The following HAAO variants were observed in gnomAD, a reference collection of about 807,000 sequenced individuals.
HAAO encodes the protein 3-hydroxyanthranilate 3,4-dioxygenase, also known as 3-hydroxyanthranilate oxygenase.
HAAO carries 49 observed loss-of-function variants against 46.2 expected under a neutral mutation model. The observed-to-expected ratio is 1.06, with a 90% confidence interval of 0.84 to 1.34. The LOEUF (loss-of-function observed/expected upper bound fraction) is 1.34. Among genes scored for constraint, HAAO ranks in the 40% most tolerant of loss-of-function variants. The probability of loss-of-function intolerance (pLI) is 0.00; values close to 1 mark genes in which losing one functional copy is unlikely to be tolerated. For synonymous variants in HAAO, 157 were observed against 145.2 expected (o/e 1.08, Z -0.58); for missense variants, 408 against 364.5 (o/e 1.12, Z -0.97).
At chr2:42,779,805 G>A (rs899822963) in intron 4 of HAAO, among the ~76,000 whole-genome samples, 1 of 152,134 alleles carries the variant, frequency 6.6e-6, no homozygotes, top group African/African-American at 2.4e-5. Flanking sequence ...GATAAATTAT[G>A]TCTTTTTCTG....
At position 42,783,311 on chromosome 2, in the gene HAAO, T is replaced by A; in HGVS notation, c.350+3A>T. 1.3e-6 allele frequency: 2 copies of A among 1,586,996 alleles called. No homozygotes were observed. Among genetic ancestry groups the A allele is most frequent in the Non-Finnish European group, 1.7e-6 (2 of 1,157,294 alleles). On this transcript the variant is annotated splice_donor_region_variant and intron_variant, in intron 4 of 9. Coordinates refer to ENST00000294973, the MANE Select transcript of HAAO (RefSeq NM_012205.3). The stretch of plus-strand genomic sequence containing the variant: ...CTGCCCCAGCCCTCCAGACAGAATT[T>A]ACCTGAGCCCATCTAGCTCGGTCTC...
chr2:42,776,261 CAG>C (rs1337749012), intron 4 of HAAO, among the ~76,000 whole-genome samples: 1 of 99,096 alleles, frequency 1.0e-5, no homozygotes, highest in Non-Finnish European at 1.8e-5. Flanking sequence ...TTTTTTGAGA[CAG>C]AGTTTCACTC....
At chr2:42,776,094 C>T (rs1046144458) in intron 4 of HAAO, among the ~76,000 whole-genome samples, 4 of 151,788 alleles carry the variant, frequency 2.6e-5, no homozygotes, top group African/African-American at 7.3e-5. Context: ...TTTTTGGAGA[C>T]CCAGGATTCG....
intron 4 of HAAO, among the ~76,000 whole-genome samples, chr2:42,774,417 C>T (rs1454387919): frequency 6.6e-6 from 1 of 152,150 alleles, no homozygotes; most frequent in Non-Finnish European, 1.5e-5. Flanking sequence ...TGGGAGCACC[C>T]CCTCTAGAGA....
intron 4 of HAAO, among the ~76,000 whole-genome samples, chr2:42,776,794 G>A (rs1249284262): frequency 6.6e-6 from 1 of 151,340 alleles, no homozygotes; most frequent in African/African-American, 2.4e-5. Context: ...ACCACGCCCA[G>A]CTAATTTTTT....
intron 1 of HAAO, 32 bp downstream of exon 1, chr2:42,792,425 G>T: frequency 1.5e-6 from 2 of 1,328,524 alleles, no homozygotes. Flanking sequence ...GGAGGCGAGG[G>T]CAGGGGGCGG....
intron 4 of HAAO, among the ~76,000 whole-genome samples, chr2:42,772,480 C>CA (rs765907105): frequency 0.041 from 4,862 of 119,310 alleles, 203 homozygotes; most frequent in African/African-American, 0.12. Flanking sequence ...GACTCCATCT[C>CA]AAAAAAAAAA....
At chr2:42,786,009 CTGTGTGTGTGTGTGTGTGTGTGTGTGTG>C (rs10606385) in intron 2 of HAAO, among the ~76,000 whole-genome samples, 14 of 106,154 alleles carry the variant, frequency 1.3e-4, no homozygotes, top group East Asian at 5.8e-4. Context: ...GAGGAAGCCT[CTGTGTGTGTGTGTGTGTGTGTGTGTGTG>C]TGTGTGTGTG....
At chr2:42,774,973 G>A (rs906031454) in intron 4 of HAAO, among the ~76,000 whole-genome samples, 3 of 152,144 alleles carry the variant, frequency 2.0e-5, no homozygotes, top group Non-Finnish European at 2.9e-5. Flanking sequence ...AAAGGGCCGG[G>A]CACAGTGGCT....
intron 4 of HAAO, 118 bp from the exon 5 acceptor site, chr2:42,770,700 CCT>C (rs1234727306): frequency 3.2e-5 from 20 of 615,514 alleles, no homozygotes; most frequent in Non-Finnish European, 4.0e-5. Flanking sequence ...TCTGCTCACC[CCT>C]GTTACACACC....
intron 4 of HAAO, among the ~76,000 whole-genome samples, chr2:42,772,954 A>AAC (rs1491056859): frequency 6.9e-6 from 1 of 143,982 alleles, no homozygotes; most frequent in Admixed American, 7.0e-5. Context: ...AAAAAAAAAA[A>AAC]CCCAACCAAA....
At chr2:42,791,969 G>C (rs1672839939) in intron 1 of HAAO, among the ~76,000 whole-genome samples, 1 of 151,866 alleles carries the variant, frequency 6.6e-6, no homozygotes, top group South Asian at 2.1e-4. Flanking sequence ...GAGGGGCCCT[G>C]AAAAAAGCAA....
intron 3 of HAAO, 106 bp from the exon 4 acceptor site, chr2:42,783,526 G>T (rs561601608): frequency 2.7e-6 from 2 of 743,506 alleles, no homozygotes; most frequent in East Asian, 2.7e-5. Context: ...GCAGCAAAGG[G>T]GTACTGCTTG....
In HAAO at chr2:42,769,728, G is replaced by A; in HGVS notation, c.615C>T (p.Asp205=). The A allele has an allele frequency of 6.2e-7, 1 of 1,612,028 alleles. No individual in the cohort carries two copies. The highest frequency in any genetic ancestry group is 2.2e-5 in the East Asian group (1 of 44,872). Residue 205 remains aspartate, a synonymous_variant, in exon 7 of 10, where the codon GAC becomes GAT. Transcript: ENST00000294973. ...ACTACATTACCTGGGTCTCATAGGT[G>A]TCCCCAAACAGGCTGAGTGGTGTGC... ...QAGTPLSLFG[D]TYETQVIAYG... is the part of the protein sequence containing the mutation.
rs959634558 is a variant in HAAO at position 42,767,348 on chromosome 2, G to C, written c.*89C>G. The stretch of plus-strand genomic sequence containing the variant: ...GGGACACAGCGGCAGTACACAGAGA[G>C]GTAGTGGGGGCTGGGAGAGTTGTTT... On this transcript the variant is annotated 3_prime_UTR_variant, in exon 10 of 10. Transcript: ENST00000294973. 3 of 851,090 alleles carry C rather than the reference G, an allele frequency of 3.5e-6. No homozygotes were observed. The highest frequency in any genetic ancestry group is 1.4e-5 in the South Asian group (1 of 71,088). The allele number at this position is 851,090 out of a possible 1,614,324, so 52.7% of individuals were successfully genotyped here. A position where few individuals can be genotyped will look rare whatever the true frequency, so the allele number is the denominator to read the frequency against.
intron 2 of HAAO, 21 bp downstream of exon 2, chr2:42,788,507 CA>C: frequency 6.6e-7 from 1 of 1,513,192 alleles, no homozygotes; most frequent in Non-Finnish European, 9.2e-7. Context: ...GGCCTAGATC[CA>C]GGGAGACCAG....
At chr2:42,783,059 T>C in intron 4 of HAAO, 1 of 547,480 alleles carries the variant, frequency 1.8e-6, no homozygotes, top group Non-Finnish European at 3.3e-6. Flanking sequence ...GCACAGATTC[T>C]GATTCCAGCC....
chr2:42,767,572 G>A (rs1670758010), intron 9 of HAAO, 23 bp downstream of exon 9: 5 of 1,586,668 alleles, frequency 3.2e-6, no homozygotes, highest in South Asian at 1.1e-5. Flanking sequence ...GGATCCCAGG[G>A]AAAGCCCTCC....
At chr2:42,788,243 CA>C (rs1672534621) in intron 2 of HAAO, among the ~76,000 whole-genome samples, 1 of 152,230 alleles carries the variant, frequency 6.6e-6, no homozygotes, top group African/African-American at 2.4e-5. Flanking sequence ...CCCCTATATC[CA>C]GGGGGAGGAT....
Sources: allele counts gnomAD v4.1 joint callset (sites outside exome capture counted in the v4.1 genomes callset), GRCh38; gene constraint gnomAD v4.1.1; transcripts MANE v1.5; gene names NCBI Gene and HGNC (gene_info 2026-07-23, HGNC 2026-07-21).